AKAP9: variants seen among roughly 807,000 people sequenced by gnomAD.
The protein encoded by AKAP9 is A-kinase anchoring protein 9.
A neutral mutation model predicts 488.5 loss-of-function variants in AKAP9; 311 were observed. The observed-to-expected ratio is 0.64, with a 90% CI of 0.58 to 0.70. The LOEUF (loss-of-function observed/expected upper bound fraction) is 0.70, where lower values mean the gene tolerates loss of function less well. Among genes scored for constraint, AKAP9 ranks in the 30% least tolerant of loss-of-function variants. The pLI is 0.00. For missense variants in AKAP9, 4,215 were observed against 4,374.5 expected, an observed-to-expected ratio of 0.96 and a Z score of 1.03; for synonymous variants, 1,462 against 1,483.5, an observed-to-expected ratio of 0.99 and a Z score of 0.33.
intron 3 of AKAP9, among the ~76,000 whole-genome samples, chr7:91,980,911 C>T (rs565524614): frequency 6.6e-6 from 1 of 151,952 alleles, no homozygotes; most frequent in South Asian, 2.1e-4. Flanking sequence ...TTTGAGGAGA[C>T]TATAAACTAT....
At chr7:92,018,504 C>T (rs924022361) in intron 12 of AKAP9, among the ~76,000 whole-genome samples, 4 of 150,576 alleles carry the variant, frequency 2.7e-5, no homozygotes, top group African/African-American at 7.3e-5. Flanking sequence ...AGCCAGACAA[C>T]AACAAAAACT....
intron 47 of AKAP9, among the ~76,000 whole-genome samples, chr7:92,106,179 A>G (rs1206700082): frequency 2.0e-5 from 3 of 152,210 alleles, no homozygotes; most frequent in African/African-American, 7.2e-5. Context: ...TTACCAAGTA[A>G]TGAATTCTGG....
chr7:91,942,345 T>C (rs1790870964), intron 1 of AKAP9, among the ~76,000 whole-genome samples: 1 of 152,218 alleles, frequency 6.6e-6, no homozygotes, highest in Non-Finnish European at 1.5e-5. Context: ...TTCTAAAATA[T>C]AGTTGACTTT....
At chr7:91,950,874 T>A in intron 1 of AKAP9, among the ~76,000 whole-genome samples, 1 of 152,312 alleles carries the variant, frequency 6.6e-6, no homozygotes, top group Non-Finnish European at 1.5e-5. Context: ...ACAGAAACTC[T>A]TTTCTATTCA....
Position 92,066,558 on chromosome 7 carries a change from A to G in AKAP9, c.6330+12A>G. ...ATCAAACTAGAGAGGTAAGAACTTC[A>G]CTGATATTGCCCAACTTACAGTAAT... On this transcript the variant is annotated intron_variant, in intron 26 of 49. Coordinates refer to ENST00000356239, the MANE Select transcript of AKAP9 (RefSeq NM_005751.5). 6.2e-7 allele frequency: 1 copy of G among 1,613,220 alleles called. No homozygotes were observed. Among genetic ancestry groups the G allele is most frequent in the Non-Finnish European group, 8.5e-7 (1 of 1,179,420 alleles).
intron 2 of AKAP9, among the ~76,000 whole-genome samples, chr7:91,974,646 C>T (rs917268910): frequency 4.6e-5 from 7 of 152,064 alleles, no homozygotes; most frequent in Admixed American, 2.0e-4. Flanking sequence ...AAAAACACCA[C>T]GGATTTTGAC....
intron 23 of AKAP9, 49 bp downstream of exon 23, chr7:92,061,471 A>C (rs774501968): frequency 6.2e-7 from 1 of 1,605,178 alleles, no homozygotes; most frequent in Non-Finnish European, 8.5e-7. Context: ...TTCAGTCTTA[A>C]AATAGAGATT....
At chr7:92,011,230 T>A (rs1800705205) in intron 8 of AKAP9, among the ~76,000 whole-genome samples, 1 of 152,182 alleles carries the variant, frequency 6.6e-6, no homozygotes, top group Admixed American at 6.5e-5. Flanking sequence ...ATTTCAACAT[T>A]GCTTTGTAGT....
intron 1 of AKAP9, among the ~76,000 whole-genome samples, chr7:91,945,130 G>A (rs1006840592): frequency 2.0e-5 from 3 of 152,186 alleles, no homozygotes; most frequent in Non-Finnish European, 4.4e-5. Flanking sequence ...GGAGGCTGAG[G>A]TGGGAGGATC....
rs1584542520 is a variant in AKAP9 at position 92,096,991 on chromosome 7, A to G, written c.10032A>G (p.Leu3344=). The G allele has an allele frequency of 6.2e-7, 1 of 1,614,214 alleles. No individual in the cohort carries two copies. Among genetic ancestry groups the G allele is most frequent in the Middle Eastern group, 1.7e-4 (1 of 6,060 alleles). The change falls in exon 41 of 50, where the codon CTA becomes CTG. Residue 3344 remains leucine (L), a synonymous_variant. Transcript: ENST00000356239. ...GGCCACCCTTGCCCTCAGAGGACCT[A>G]CTGAAAGAGCTGCAGAAACAGCTAG... ...QSRPPLPSED[L]LKELQKQLEE...
intron 43 of AKAP9, among the ~76,000 whole-genome samples, 181 bp downstream of exon 43, chr7:92,098,395 A>AG (rs530179968): frequency 2.0e-5 from 3 of 152,070 alleles, no homozygotes; most frequent in Admixed American, 1.3e-4. Context: ...ATGAAAGCTT[A>AG]GGGGGGGAAT....
chr7:92,007,143 G>A (rs1365005323), intron 8 of AKAP9, among the ~76,000 whole-genome samples: 1 of 152,142 alleles, frequency 6.6e-6, no homozygotes. Context: ...AATAGCTTTT[G>A]TCACTTGCTT....
intron 8 of AKAP9, among the ~76,000 whole-genome samples, chr7:92,004,146 C>T (rs991298901): frequency 6.6e-6 from 1 of 152,170 alleles, no homozygotes; most frequent in African/African-American, 2.4e-5. Flanking sequence ...GGGCTCTGTT[C>T]TGTTCCATTG....
chr7:92,002,947 G>C lies in AKAP9; in HGVS notation c.3030G>C (p.Gln1010His). The change falls in exon 8 of 50, where the codon CAG (glutamine) becomes CAC (histidine). Residue 1010 changes from glutamine to histidine, a missense_variant. Physicochemically the swap from Gln to His is conservative, Grantham distance 24. Transcript: ENST00000356239. Reference protein sequence around the residue: ...IINHNRAENVQSCDTQVSSLL... With the variant: ...IINHNRAENVHSCDTQVSSLL... ...ACCACAACAGGGCAGAAAATGTACAGTCATGTGATACTCAAGTAAGCTCTT... is the reference window on the plus strand; with the variant it reads ...ACCACAACAGGGCAGAAAATGTACACTCATGTGATACTCAAGTAAGCTCTT... 1 of 1,613,002 alleles carries C rather than the reference G, an allele frequency of 6.2e-7. No homozygotes were observed. Among genetic ancestry groups the C allele is most frequent in the Non-Finnish European group, 8.5e-7 (1 of 1,179,570 alleles).
At position 92,107,340 on chromosome 7, in the gene AKAP9, T is replaced by C; in HGVS notation, c.11464T>C (p.Leu3822=). The change falls in exon 48 of 50, where the codon TTA becomes CTA. Residue 3822 remains leucine (L), a synonymous_variant. Coordinates refer to ENST00000356239, the MANE Select transcript of AKAP9 (RefSeq NM_005751.5). ...TTATCATTCTTCTGGTGGGCTGGAG[T>C]TATATGGAGAACCAAGACATACTAC... ...SFYHSSGGLE[L]YGEPRHTTYR... The C allele has an allele frequency of 6.2e-7, 1 of 1,613,800 alleles. No individual in the cohort carries two copies. Among genetic ancestry groups the C allele is most frequent in the Non-Finnish European group, 8.5e-7 (1 of 1,179,852 alleles).
At chr7:92,000,728 A>G in intron 7 of AKAP9, 120 bp from the exon 8 acceptor site, 1 of 591,232 alleles carries the variant, frequency 1.7e-6, no homozygotes, top group South Asian at 2.5e-5. Context: ...ACCAACATTT[A>G]CTTTTTGTAG....
chr7:91,941,185 G>A, intron 1 of AKAP9, 38 bp downstream of exon 1: 1 of 1,599,640 alleles, frequency 6.3e-7, no homozygotes, highest in Non-Finnish European at 8.6e-7. Flanking sequence ...GCGGTGGGAG[G>A]CGGTGGCTAG....
intron 13 of AKAP9, 39 bp downstream of exon 13, chr7:92,022,391 A>G (rs1205924276): frequency 1.4e-6 from 2 of 1,397,602 alleles, no homozygotes; most frequent in East Asian, 2.3e-5. Flanking sequence ...GTGTTTTTAT[A>G]GCAAATATTG....
chr7:92,080,447 AATT>A (rs2130863790), intron 31 of AKAP9, among the ~76,000 whole-genome samples: 1 of 152,100 alleles, frequency 6.6e-6, no homozygotes, highest in East Asian at 1.9e-4. Flanking sequence ...AAATACAAAA[AATT>A]ATCCGGGCGT....
Sources: allele counts gnomAD v4.1 joint callset (sites outside exome capture counted in the v4.1 genomes callset), GRCh38; gene constraint gnomAD v4.1.1; transcripts MANE v1.5; gene names NCBI Gene and HGNC (gene_info 2026-07-23, HGNC 2026-07-21).